Variants in SLC45A2 observed in about 807,000 individuals in gnomAD.
SLC45A2 encodes the protein membrane-associated transporter protein.
Under a neutral mutation model 45.5 loss-of-function variants are expected in SLC45A2, and 36 were observed. The ratio of observed to expected loss-of-function variants is 0.79; its 90% CI spans 0.61 to 1.04. The LOEUF (loss-of-function observed/expected upper bound fraction) is 1.04. Ranked by LOEUF, SLC45A2 falls within the 50% of genes least tolerant of loss-of-function variation. The probability of loss-of-function intolerance (pLI) is 0.00; values close to 1 mark genes in which losing one functional copy is unlikely to be tolerated. For synonymous variants in SLC45A2, 306 were observed against 269.3 expected (o/e 1.14, Z -1.33); for missense variants, 719 against 671.0 (o/e 1.07, Z -0.79).
intron 2 of SLC45A2, among the ~76,000 whole-genome samples, chr5:33,979,036 T>C (rs547540212): frequency 1.3e-5 from 2 of 152,252 alleles, no homozygotes; most frequent in African/African-American, 4.8e-5. Context: ...ATACTGTCAA[T>C]GAAAAGAGTC....
intron 3 of SLC45A2, among the ~76,000 whole-genome samples, chr5:33,955,650 C>A (rs1187942606): frequency 6.6e-6 from 1 of 151,898 alleles, no homozygotes; most frequent in Non-Finnish European, 1.5e-5. Context: ...TATACACACA[C>A]ACACACAAAC....
At chr5:33,966,053 C>T (rs1752593143) in intron 2 of SLC45A2, among the ~76,000 whole-genome samples, 4 of 152,176 alleles carry the variant, frequency 2.6e-5, no homozygotes, top group Admixed American at 2.6e-4. Flanking sequence ...GAGCATTACT[C>T]ATTGCCTCAG....
intron 2 of SLC45A2, among the ~76,000 whole-genome samples, chr5:33,976,272 T>C (rs1030344831): frequency 7.9e-5 from 12 of 152,152 alleles, no homozygotes; most frequent in Non-Finnish European, 1.2e-4. Context: ...CCCAAAAAGA[T>C]CATTAAAGTG....
Position 33,954,455 on chromosome 5 carries a change from A to C in SLC45A2, c.938T>G (p.Met313Arg), listed in dbSNP as rs753454540. 2 of 1,614,082 alleles carry C rather than the reference A, an allele frequency of 1.2e-6. No individual in the cohort carries two copies. The highest frequency in any genetic ancestry group is 1.7e-5 in the Admixed American group (1 of 59,970). Residue 313 changes from methionine (M) to arginine (R), a missense_variant, in exon 4 of 7, where the codon ATG becomes AGG. Transcript: ENST00000296589. ...LKSLLRALVNMPPHYRYLCIS... is the reference protein window; with the variant it reads ...LKSLLRALVNRPPHYRYLCIS... ...GCAAAGGTAGCGGTAGTGAGGAGGC[A>C]TGTTCACCAGTGCTCTCAGCAGTGA...
intron 4 of SLC45A2, among the ~76,000 whole-genome samples, chr5:33,952,650 C>T (rs907708963): frequency 6.7e-6 from 1 of 148,992 alleles, no homozygotes; most frequent in Non-Finnish European, 1.5e-5. Flanking sequence ...CCGGAGCTAA[C>T]AAGTTAATTT....
intron 2 of SLC45A2, among the ~76,000 whole-genome samples, chr5:33,979,878 T>A (rs1753025649): frequency 6.6e-6 from 1 of 152,194 alleles, no homozygotes; most frequent in Admixed American, 6.5e-5. Flanking sequence ...AATTCTGGTT[T>A]ACAATACTAT....
chr5:33,958,909 AG>A, intron 3 of SLC45A2, among the ~76,000 whole-genome samples: 1 of 152,312 alleles, frequency 6.6e-6, no homozygotes, highest in East Asian at 1.9e-4. Flanking sequence ...GGGGAGTCCC[AG>A]TCTATCGAAG....
intron 5 of SLC45A2, among the ~76,000 whole-genome samples, chr5:33,950,991 G>A (rs1752080081): frequency 6.6e-6 from 1 of 152,198 alleles, no homozygotes; most frequent in Non-Finnish European, 1.5e-5. Flanking sequence ...TTTGTTCAGT[G>A]TCTTCACAGC....
intron 1 of SLC45A2, among the ~76,000 whole-genome samples, chr5:33,983,207 A>G (rs1753132795): frequency 2.0e-5 from 3 of 152,258 alleles, no homozygotes; most frequent in Non-Finnish European, 4.4e-5. Context: ...AATTTTTAAC[A>G]GCTGGATTTT....
At chr5:33,969,518 G>A (rs768954450) in intron 2 of SLC45A2, among the ~76,000 whole-genome samples, 28 of 152,158 alleles carry the variant, frequency 1.8e-4, no homozygotes, top group African/African-American at 5.8e-4. Flanking sequence ...AGGATGCCTC[G>A]TTGCTTTGAG....
At chr5:33,973,660 A>G (rs1752846758) in intron 2 of SLC45A2, among the ~76,000 whole-genome samples, 1 of 152,234 alleles carries the variant, frequency 6.6e-6, no homozygotes, top group Non-Finnish European at 1.5e-5. Context: ...GACAAAAGTT[A>G]AAAGAAGTTG....
rs1336541899 is a variant in SLC45A2, at chr5:33,984,491, G to T, written c.93C>A (p.Pro31=). The T allele has an allele frequency of 6.2e-7, 1 of 1,613,420 alleles. No homozygotes were observed. The highest frequency in any genetic ancestry group is 2.2e-5 in the East Asian group (1 of 44,888). Residue 31 remains proline, a synonymous_variant, in exon 1 of 7, where the codon CCC becomes CCA. Transcript: ENST00000296589. ...TGCTGTGCATGATGAGTCTGCTGGTGGGTCTTTTAGGCGGCTCCACAGAGT... is the reference window on the plus strand; with the variant it reads ...TGCTGTGCATGATGAGTCTGCTGGTTGGTCTTTTAGGCGGCTCCACAGAGT... ...PFDSVEPPKR[P]TSRLIMHSMA...
chr5:33,950,461 G>T (rs758382351), intron 5 of SLC45A2, among the ~76,000 whole-genome samples: 3 of 152,158 alleles, frequency 2.0e-5, no homozygotes, highest in African/African-American at 7.2e-5. Context: ...TTGTTGTTAC[G>T]TGATTATTGG....
chr5:33,948,153 A>AT (rs1751993637), intron 5 of SLC45A2, among the ~76,000 whole-genome samples: 1 of 152,248 alleles, frequency 6.6e-6, no homozygotes. Context: ...AATGCCTAGC[A>AT]TGTAGAAAAC....
chr5:33,974,801 G>C (rs541270650), intron 2 of SLC45A2, among the ~76,000 whole-genome samples: 1 of 152,196 alleles, frequency 6.6e-6, no homozygotes, highest in South Asian at 2.1e-4. Flanking sequence ...GGGAGAAAGA[G>C]AGAGATTGCA....
intron 2 of SLC45A2, chr5:33,972,382 A>G: frequency 2.6e-6 from 1 of 385,140 alleles, no homozygotes; most frequent in South Asian, 2.4e-5. Context: ...CAAATGAACG[A>G]GCAAGATTAG....
At position 33,951,641 on chromosome 5, in the gene SLC45A2, A is replaced by G. The variant is rs1401237532; in HGVS notation, c.1069T>C (p.Ser357Pro). ...YRGDPYSAHN[S>P]TEFLIYERGV... is the part of the protein sequence containing the mutation. The stretch of plus-strand genomic sequence containing the variant: ...CTTTCGTAGATGAGAAACTCTGTGG[A>G]GTTGTGTGCACTATAGGGATCCCCG... The change falls in exon 5 of 7, where the codon TCC becomes CCC. Residue 357 changes from serine to proline, a missense_variant. By Grantham distance (74) the Ser-to-Pro change is moderately conservative. Transcript: ENST00000296589. The G allele has an allele frequency of 3.1e-6, 5 of 1,614,090 alleles. No homozygotes were observed. Among genetic ancestry groups the G allele is most frequent in the Admixed American group, 1.7e-5 (1 of 60,006 alleles).
At chr5:33,965,041 G>A (rs59002877) in intron 2 of SLC45A2, among the ~76,000 whole-genome samples, 6,325 of 152,196 alleles carry the variant, frequency 0.042, 428 homozygotes, top group African/African-American at 0.15. Context: ...AACTTATGTA[G>A]GACTGATCCT....
intron 2 of SLC45A2, among the ~76,000 whole-genome samples, chr5:33,976,959 C>CCA (rs2067122): frequency 0.59 from 89,741 of 151,706 alleles, 27,089 homozygotes; most frequent in Non-Finnish European, 0.62. Context: ...CCTGTACTCC[C>CCA]GATTCCTGTG....
Sources: allele counts gnomAD v4.1 joint callset (sites outside exome capture counted in the v4.1 genomes callset), GRCh38; gene constraint gnomAD v4.1.1; transcripts MANE v1.5; gene names NCBI Gene and HGNC (gene_info 2026-07-23, HGNC 2026-07-21).